Variants in GPBP1L1 observed in about 807,000 individuals in gnomAD.
GPBP1L1 encodes GC-rich promoter binding protein 1 like 1.
GPBP1L1 carries 23 observed loss-of-function variants against 52.5 expected under a neutral mutation model. The ratio of observed to expected loss-of-function variants is 0.44; its 90% CI spans 0.32 to 0.62. The LOEUF (loss-of-function observed/expected upper bound fraction) is 0.62, where lower values mean the gene tolerates loss of function less well. Ranked by LOEUF, GPBP1L1 falls within the 20% of genes least tolerant of loss-of-function variation. GPBP1L1 has a pLI of 0.06. For missense variants in GPBP1L1, 596 were observed against 579.3 expected, an observed-to-expected ratio of 1.03 and a Z score of -0.30; for synonymous variants, 243 against 203.1, an observed-to-expected ratio of 1.20 and a Z score of -1.67.
intron 8 of GPBP1L1, among the ~76,000 whole-genome samples, chr1:45,637,103 T>C (rs1330476652): frequency 6.6e-6 from 1 of 152,216 alleles, no homozygotes; most frequent in Admixed American, 6.5e-5. Context: ...AAGACTTTGA[T>C]GACCCTCCCC....
At chr1:45,628,747 T>C (rs1243574451) in intron 12 of GPBP1L1, among the ~76,000 whole-genome samples, 3 of 152,214 alleles carry the variant, frequency 2.0e-5, no homozygotes, top group Non-Finnish European at 4.4e-5. Flanking sequence ...CACTGCATCC[T>C]CCGCCTCCTG....
At position 45,640,231 on chromosome 1, in the gene GPBP1L1, C is replaced by G. The variant is rs766255307; in HGVS notation, c.723G>C (p.Lys241Asn). 3.1e-6 allele frequency: 5 copies of G among 1,613,994 alleles called. No individual in the cohort carries two copies. The highest frequency in any genetic ancestry group is 4.2e-6 in the Non-Finnish European group (5 of 1,179,894). The change falls in exon 8 of 13, where the codon AAG becomes AAC. Residue 241 changes from lysine to asparagine, a missense_variant. Physicochemically the swap from Lys to Asn is moderately conservative, Grantham distance 94. Coordinates refer to ENST00000355105, the MANE Select transcript of GPBP1L1 (RefSeq NM_021639.5). The stretch of plus-strand genomic sequence containing the variant: ...ATACCTTGGAAGGAGGTGGTACAGG[C>G]TTAGGAACCAGGTTCTTATAGACAC... ...VPSVYKNLVPKPVPPPSKPNA... is the reference protein window; with the variant it reads ...VPSVYKNLVPNPVPPPSKPNA...
At chr1:45,629,364 A>G (rs929927289) in intron 12 of GPBP1L1, among the ~76,000 whole-genome samples, 2 of 151,984 alleles carry the variant, frequency 1.3e-5, no homozygotes, top group Non-Finnish European at 2.9e-5. Context: ...GGAATCTGCT[A>G]ATCACTGACA....
intron 2 of GPBP1L1, among the ~76,000 whole-genome samples, chr1:45,664,033 T>A (rs1644978481): frequency 6.6e-6 from 1 of 151,904 alleles, no homozygotes; most frequent in Admixed American, 6.6e-5. Flanking sequence ...GCTGAGCTAA[T>A]TAAAAAAAAA....
At chr1:45,648,818 A>G (rs1644785596) in intron 6 of GPBP1L1, among the ~76,000 whole-genome samples, 1 of 152,220 alleles carries the variant, frequency 6.6e-6, no homozygotes, top group Non-Finnish European at 1.5e-5. Context: ...ACTTGAGGTC[A>G]GGAGTTTGAG....
intron 2 of GPBP1L1, among the ~76,000 whole-genome samples, chr1:45,668,639 AG>A (rs1195567732): frequency 6.6e-6 from 1 of 152,218 alleles, no homozygotes; most frequent in Non-Finnish European, 1.5e-5. Flanking sequence ...CCTGGGCAAC[AG>A]AGCAAGACTC....
intron 6 of GPBP1L1, chr1:45,651,456 G>T: frequency 2.3e-6 from 1 of 427,440 alleles, no homozygotes. Context: ...CATCCCCTTT[G>T]CTGGCAGCTT....
At chr1:45,665,070 C>T in intron 2 of GPBP1L1, among the ~76,000 whole-genome samples, 1 of 152,056 alleles carries the variant, frequency 6.6e-6, no homozygotes, top group Non-Finnish European at 1.5e-5. Flanking sequence ...GGTTGGATCA[C>T]CTGAAATCAG....
chr1:45,628,199 T>C lies in GPBP1L1; in HGVS notation c.*57A>G. The C allele has an allele frequency of 1.3e-6, 2 of 1,495,312 alleles. No individual in the cohort carries two copies. The highest frequency in any genetic ancestry group is 1.8e-6 in the Non-Finnish European group (2 of 1,082,056). The allele number at this position is 1,495,312 out of a possible 1,614,324, so 92.6% of individuals were successfully genotyped here. The stretch of plus-strand genomic sequence containing the variant: ...AAGGAAAAGAACGATTTCTTTTGTA[T>C]ACTCCCTAAACACACAGAGTTTACT... On this transcript the variant is annotated 3_prime_UTR_variant, in exon 13 of 13. Coordinates refer to ENST00000355105, the MANE Select transcript of GPBP1L1 (RefSeq NM_021639.5).
At chr1:45,644,901 A>AGG (rs1644723428) in intron 6 of GPBP1L1, among the ~76,000 whole-genome samples, 1 of 152,234 alleles carries the variant, frequency 6.6e-6, no homozygotes, top group African/African-American at 2.4e-5. Context: ...CTATTTGGCA[A>AGG]TTCAACAGTA....
intron 2 of GPBP1L1, among the ~76,000 whole-genome samples, chr1:45,679,249 G>A (rs1645183591): frequency 1.3e-5 from 2 of 152,248 alleles, no homozygotes; most frequent in South Asian, 2.1e-4. Context: ...ACGAAGCAGA[G>A]GCTCCCTTGA....
At chr1:45,655,400 C>A in intron 4 of GPBP1L1, 81 bp from the exon 5 acceptor site, 2 of 1,473,076 alleles carry the variant, frequency 1.4e-6, no homozygotes, top group Non-Finnish European at 1.9e-6. Flanking sequence ...TTGCATCAGG[C>A]CTTCAAAAAA....
upstream of GPBP1L1, chr1:45,687,926 T>C (rs1645310403): frequency 6.6e-6 from 1 of 152,242 alleles, no homozygotes. Flanking sequence ...ATCCCGTCTC[T>C]TACCTTCCTT....
chr1:45,634,638 T>C (rs1362989273), intron 8 of GPBP1L1: 1 of 155,986 alleles, frequency 6.4e-6, no homozygotes, highest in African/African-American at 2.4e-5. Flanking sequence ...TTTTTAGTAG[T>C]GTTTGTTAAC....
intron 6 of GPBP1L1, among the ~76,000 whole-genome samples, chr1:45,646,845 C>T (rs1644753544): frequency 6.6e-6 from 1 of 152,102 alleles, no homozygotes; most frequent in Admixed American, 6.5e-5. Flanking sequence ...GTGTGAGCCA[C>T]CGTACCCGGC....
chr1:45,631,603 T>G (rs1356623554), intron 10 of GPBP1L1, among the ~76,000 whole-genome samples: 4 of 152,122 alleles, frequency 2.6e-5, no homozygotes, highest in African/African-American at 4.8e-5. Context: ...TAAAAAAAAT[T>G]TCTGCTTTGC....
rs1030659590 is a variant in GPBP1L1 at position 45,628,312 on chromosome 1, C to A, written c.1369G>T (p.Asp457Tyr). ...WRSTCKAEFE[D>Y]SDTETSSSET... ...CTGCTACTGGTTTCGGTGTCTGAGT[C>A]CTCAAACTCTGCTTTGCAAGTGCTT... Residue 457 changes from aspartate (D) to tyrosine (Y), a missense_variant, in exon 13 of 13, where the codon GAC becomes TAC. Physicochemically the swap from Asp to Tyr is radical, Grantham distance 160. Transcript: ENST00000355105. 1.1e-5 allele frequency: 17 copies of A among 1,614,048 alleles called. No homozygotes were observed. The highest frequency in any genetic ancestry group is 1.4e-5 in the Non-Finnish European group (16 of 1,180,038).
At chr1:45,639,877 C>CA (rs959112105) in intron 8 of GPBP1L1, among the ~76,000 whole-genome samples, 1 of 151,196 alleles carries the variant, frequency 6.6e-6, no homozygotes, top group African/African-American at 2.4e-5. Flanking sequence ...GGCTCCATCT[C>CA]AAAAAAACAA....
At chr1:45,671,638 G>T (rs994634612) in intron 2 of GPBP1L1, among the ~76,000 whole-genome samples, 9 of 152,018 alleles carry the variant, frequency 5.9e-5, no homozygotes, top group Non-Finnish European at 1.3e-4. Context: ...CAGCATCATG[G>T]TGAAACCCCA....
Sources: gnomAD v4.1 joint callset for allele counts (sites outside exome capture counted in the v4.1 genomes callset) on GRCh38, gnomAD v4.1.1 for gene constraint, MANE v1.5 for transcripts, NCBI Gene and HGNC (gene_info 2026-07-23, HGNC 2026-07-21) for gene names.